Variants in HMCN1 observed in about 807,000 individuals in gnomAD.
HMCN1 encodes the protein hemicentin-1.
A neutral mutation model predicts 625.9 loss-of-function variants in HMCN1; 321 were observed. That is an observed-to-expected ratio of 0.51 (90% confidence interval 0.47 to 0.56). The LOEUF is 0.56. HMCN1 is among the 20% of genes least tolerant of loss of function. The pLI is 0.00. For synonymous variants in HMCN1, 2,425 were observed against 2,417.6 expected, an observed-to-expected ratio of 1.00 and a Z score of -0.09; for missense variants, 6,588 against 6,887.3, an observed-to-expected ratio of 0.96 and a Z score of 1.54.
chr1:185,828,729 T>G (rs1284945849), intron 1 of HMCN1, among the ~76,000 whole-genome samples: 1 of 152,028 alleles, frequency 6.6e-6, no homozygotes, highest in Non-Finnish European at 1.5e-5. Flanking sequence ...AGGTAAATTT[T>G]TTAAAAACTT....
At position 185,977,936 on chromosome 1, in the gene HMCN1, G is replaced by A. The variant is rs866452016; in HGVS notation, c.2521G>A (p.Val841Ile). ...NMPIFSRPFS[V>I]SSISQLRTGA... ...GCCAATTTTCTCAAGACCTTTTTCA[G>A]TTAGTTCCATCAGCCAACTAAGAAC... The change falls in exon 16 of 107, where the codon GTT (valine) becomes ATT (isoleucine). Residue 841 changes from valine to isoleucine, a missense_variant. Physicochemically the swap from Val to Ile is conservative, Grantham distance 29 (BLOSUM62 3). This residue lies in a region of HMCN1 where 4,628 missense variants were observed against 4,853.1 expected (regional missense o/e 0.95). Transcript: ENST00000271588. The A allele has an allele frequency of 2.8e-5, 45 of 1,613,334 alleles. No individual in the cohort carries two copies. In the Middle Eastern group the frequency reaches 6.6e-3, roughly 237 times the overall value.
chr1:185,797,009 T>C (rs1346373023), intron 1 of HMCN1, among the ~76,000 whole-genome samples: 1 of 152,188 alleles, frequency 6.6e-6, no homozygotes, highest in African/African-American at 2.4e-5. Context: ...CAACATCTGT[T>C]ATTTGTTGAC....
chr1:185,906,754 G>GT lies in HMCN1; in HGVS notation c.622-2574dup, dbSNP rs199582940. 1.0e-3 allele frequency among the ~76,000 whole-genome samples: 150 copies of GT among 150,198 alleles called. 1 individual carries two copies. The highest frequency in any genetic ancestry group is 6.3e-4 in the South Asian group (3 of 4,762). ...TTCTTGCTGGTACTTGTTTTCTAAT[G>GT]TTTTTTTTTCTTCTTTTCTATTGAG... On this transcript the variant is annotated intron_variant, in intron 4 of 106. Transcript: ENST00000271588.
At chr1:186,026,935 CA>C (rs1655097264) in intron 36 of HMCN1, among the ~76,000 whole-genome samples, 1 of 152,074 alleles carries the variant, frequency 6.6e-6, no homozygotes, top group South Asian at 2.1e-4. Flanking sequence ...ATGCCCAGCC[CA>C]GGTTTTTTTT....
intron 16 of HMCN1, 124 bp downstream of exon 16, chr1:185,978,105 C>T (rs1407894227): frequency 4.2e-6 from 3 of 709,016 alleles, no homozygotes; most frequent in Non-Finnish European, 6.9e-6. Context: ...ATGTTCATTG[C>T]ATTTTACTTT....
intron 1 of HMCN1, among the ~76,000 whole-genome samples, chr1:185,750,505 C>T (rs1654729867): frequency 6.6e-6 from 1 of 152,062 alleles, no homozygotes; most frequent in Admixed American, 6.6e-5. Context: ...TAGGTACATA[C>T]TGGCTAAGGA....
chr1:185,959,346 T>G (rs1011593345), intron 11 of HMCN1, among the ~76,000 whole-genome samples: 1 of 152,106 alleles, frequency 6.6e-6, no homozygotes, highest in African/African-American at 2.4e-5. Flanking sequence ...TTCCCTAGTT[T>G]TTGTAGGCAG....
intron 23 of HMCN1, 111 bp downstream of exon 23, chr1:185,993,420 GA>G (rs1276605644): frequency 6.0e-5 from 74 of 1,227,606 alleles, no homozygotes; most frequent in Non-Finnish European, 8.2e-5. Context: ...AGTGATTAAA[GA>G]AAAAAATTCT....
chr1:185,812,475 T>C (rs1335186583), intron 1 of HMCN1, among the ~76,000 whole-genome samples: 1 of 152,214 alleles, frequency 6.6e-6, no homozygotes, highest in African/African-American at 2.4e-5. Context: ...AAATGCCTTT[T>C]AGCTTTTTCA....
intron 4 of HMCN1, among the ~76,000 whole-genome samples, chr1:185,882,941 T>G (rs561108324): frequency 6.6e-6 from 1 of 152,214 alleles, no homozygotes; most frequent in South Asian, 2.1e-4. Context: ...TACGTGAATC[T>G]ATCTTTTCTT....
At chr1:185,777,640 C>T (rs554553506) in intron 1 of HMCN1, among the ~76,000 whole-genome samples, 31 of 152,136 alleles carry the variant, frequency 2.0e-4, no homozygotes, top group East Asian at 3.9e-4. Context: ...TTAGTAGAGA[C>T]GGTGTTTCAC....
chr1:185,937,468 C>T (rs1437892038), intron 11 of HMCN1, among the ~76,000 whole-genome samples: 1 of 152,124 alleles, frequency 6.6e-6, no homozygotes, highest in African/African-American at 2.4e-5. Flanking sequence ...TAAACATCTC[C>T]CATGAGGCCT....
intron 37 of HMCN1, 26 bp downstream of exon 37, chr1:186,038,061 C>T (rs781074652): frequency 1.1e-5 from 16 of 1,407,440 alleles, no homozygotes; most frequent in East Asian, 2.3e-5. Context: ...AACTCTGTAA[C>T]TTAATATTTT....
chr1:185,741,498 G>A (rs1653990871), intron 1 of HMCN1, among the ~76,000 whole-genome samples: 1 of 152,096 alleles, frequency 6.6e-6, no homozygotes, highest in Non-Finnish European at 1.5e-5. Flanking sequence ...TGGTATTTAG[G>A]ACAATTAGAC....
chr1:186,066,279 G>GTTCATTCA (rs377381395), intron 49 of HMCN1, among the ~76,000 whole-genome samples: 85 of 151,914 alleles, frequency 5.6e-4, no homozygotes, highest in South Asian at 2.1e-3. Context: ...TTATATATAT[G>GTTCATTCA]TTCATTCATT....
intron 80 of HMCN1, among the ~76,000 whole-genome samples, chr1:186,122,328 A>G (rs1010629583): frequency 1.3e-5 from 2 of 152,196 alleles, no homozygotes; most frequent in African/African-American, 4.8e-5. Flanking sequence ...ACAACTGAAT[A>G]GAATATCCAG....
chr1:185,976,759 A>G (rs146000745), intron 15 of HMCN1, among the ~76,000 whole-genome samples: 4 of 152,286 alleles, frequency 2.6e-5, no homozygotes, highest in Admixed American at 2.6e-4. Context: ...GTAATAATGG[A>G]CAGCACTTAA....
Position 186,061,184 on chromosome 1 carries a change from T to C in HMCN1, c.7313-667T>C, listed in dbSNP as rs149360264. Among the ~76,000 whole-genome samples, 5 of 152,148 alleles carry C rather than the reference T, an allele frequency of 3.3e-5. No homozygotes were observed. In the East Asian group the frequency reaches 7.7e-4, roughly 24 times the overall value. On this transcript the variant is annotated intron_variant, in intron 46 of 106. Transcript: ENST00000271588. ...CACTACTGTAAAGAAATACTCGAGA[T>C]TGGGTAATTTATAAAGGAGAGAGGT...
At chr1:186,161,710 G>A (rs1156889586) in intron 97 of HMCN1, among the ~76,000 whole-genome samples, 1 of 151,968 alleles carries the variant, frequency 6.6e-6, no homozygotes. Context: ...GAAATTCTGG[G>A]TTGAAAATTC....
Sources: allele counts gnomAD v4.1 joint callset (sites outside exome capture counted in the v4.1 genomes callset), GRCh38; gene constraint gnomAD v4.1.1; regional missense constraint gnomAD v4.1.1; transcripts MANE v1.5; gene names NCBI Gene and HGNC (gene_info 2026-07-23, HGNC 2026-07-21).